The following UGT1A7 variants were observed in gnomAD, a reference collection of about 807,000 sequenced individuals.
The protein encoded by UGT1A7 is UDP-glucuronosyltransferase 1A7.
A neutral mutation model predicts 45.6 loss-of-function variants in UGT1A7; 33 were observed. The ratio of observed to expected loss-of-function variants is 0.72; its 90% CI spans 0.55 to 0.97. The LOEUF (loss-of-function observed/expected upper bound fraction) is 0.97, where lower values mean the gene tolerates loss of function less well. Ranked by LOEUF, UGT1A7 falls within the 50% of genes least tolerant of loss-of-function variation. The pLI is 0.00. For synonymous variants in UGT1A7, 274 were observed against 250.6 expected (o/e 1.09, Z -0.88); for missense variants, 684 against 666.2 (o/e 1.03, Z -0.29).
At chr2:233,693,661 C>T (rs1196693906) in intron 1 of UGT1A7, 1 of 1,614,126 alleles carries the variant, frequency 6.2e-7, no homozygotes, top group East Asian at 2.2e-5. Flanking sequence ...TGTTGGAGCC[C>T]TATCTATTTT....
intron 1 of UGT1A7, among the ~76,000 whole-genome samples, chr2:233,744,802 A>T (rs1263878691): frequency 6.6e-6 from 1 of 151,904 alleles, no homozygotes; most frequent in Non-Finnish European, 1.5e-5. Context: ...GGGGATCCCT[A>T]GGATTTCCTG....
intron 1 of UGT1A7, chr2:233,691,972 G>C (rs1349071943): frequency 6.6e-6 from 1 of 152,224 alleles, no homozygotes; most frequent in East Asian, 1.9e-4. Context: ...GATCCCTTTC[G>C]ATCACACCTA....
chr2:233,743,312 T>A, intron 1 of UGT1A7: 2 of 657,664 alleles, frequency 3.0e-6, no homozygotes, highest in South Asian at 1.5e-5. Context: ...TTGGTGGTGA[T>A]TTTTTTACCA....
At chr2:233,718,634 G>A in intron 1 of UGT1A7, 1 of 1,457,400 alleles carries the variant, frequency 6.9e-7, no homozygotes, top group Non-Finnish European at 9.2e-7. Context: ...GTCTTTCCCA[G>A]GGTTGGGCCC....
intron 2 of UGT1A7, 143 bp from the exon 3 acceptor site, chr2:233,767,706 A>C (rs1467899863): frequency 1.1e-5 from 16 of 1,521,756 alleles, no homozygotes; most frequent in Admixed American, 2.0e-5. Flanking sequence ...GCCAGTCCTC[A>C]GAAGCCTTCA....
chr2:233,719,742 A>T (rs2076802630), intron 1 of UGT1A7: 1 of 1,613,130 alleles, frequency 6.2e-7, no homozygotes, highest in Non-Finnish European at 8.5e-7. Flanking sequence ...CTTTTTAAAA[A>T]ATGTATTTAC....
intron 1 of UGT1A7, among the ~76,000 whole-genome samples, chr2:233,766,008 T>C (rs901073626): frequency 2.6e-5 from 4 of 152,174 alleles, no homozygotes; most frequent in Non-Finnish European, 5.9e-5. Context: ...GCGTGGGTTA[T>C]GGCCTTCTTT....
At chr2:233,726,413 T>C (rs2125719382) in intron 1 of UGT1A7, among the ~76,000 whole-genome samples, 1 of 152,348 alleles carries the variant, frequency 6.6e-6, no homozygotes, top group African/African-American at 2.4e-5. Context: ...GTCAGCATTC[T>C]GATTCTGTCC....
rs1319109473 is a variant in UGT1A7, at chr2:233,724,136, C to T, written c.855+41344C>T. On this transcript the variant is annotated intron_variant, in intron 1 of 4. Coordinates refer to ENST00000373426, the MANE Select transcript of UGT1A7 (RefSeq NM_019077.3). ...GCAGAGGCGCCCCTCACCTCCCGGA[C>T]GGGGCGGCTGGCCGGGTGGGGGGGC... Among the ~76,000 whole-genome samples, 110 of 111,694 alleles carry T rather than the reference C, an allele frequency of 9.8e-4. 3 individuals carry two copies. Among genetic ancestry groups the T allele is most frequent in the Middle Eastern group, 4.2e-3 (1 of 236 alleles). 73.3% of individuals were successfully genotyped at this position (111,694 alleles called of 152,430 possible).
intron 1 of UGT1A7, among the ~76,000 whole-genome samples, chr2:233,725,222 G>C (rs2077398090): frequency 1.1e-5 from 1 of 89,832 alleles, no homozygotes; most frequent in African/African-American, 7.8e-5. Context: ...AGGCAGAGGA[G>C]GCAGAGGCAG....
At position 233,772,297 on chromosome 2, in the gene UGT1A7, A is replaced by G; in HGVS notation, c.1331A>G (p.His444Arg). ...AACATCATGCGCCTCTCCAGCCTTC[A>G]CAAGGACCGCCCGGTGGAGCCGCTG... is the stretch of plus-strand genomic sequence containing the variant. ...KENIMRLSSL[H>R]KDRPVEPLDL... Residue 444 changes from histidine to arginine, a missense_variant, in exon 5 of 5, where the codon CAC becomes CGC. Coordinates refer to ENST00000373426, the MANE Select transcript of UGT1A7 (RefSeq NM_019077.3). The G allele has an allele frequency of 1.2e-6, 2 of 1,614,224 alleles. No homozygotes were observed. The highest frequency in any genetic ancestry group is 1.7e-6 in the Non-Finnish European group (2 of 1,180,032).
rs776415192 is a variant in UGT1A7, at chr2:233,712,958, G to T, written c.855+30166G>T. 4.3e-6 allele frequency: 7 copies of T among 1,612,878 alleles called. No homozygotes were observed. In the Admixed American group the frequency reaches 1.2e-4, roughly 27 times the overall value. ...AACAATTCTAGGAGGCACAACGTGG[G>T]GTGGACAGTCAGCTGTCGGTGGCTT... On this transcript the variant is annotated intron_variant, in intron 1 of 4. Coordinates refer to ENST00000373426, the MANE Select transcript of UGT1A7 (RefSeq NM_019077.3).
intron 1 of UGT1A7, among the ~76,000 whole-genome samples, chr2:233,762,315 G>C (rs565893517): frequency 6.6e-6 from 1 of 152,216 alleles, no homozygotes; most frequent in Non-Finnish European, 1.5e-5. Context: ...TTAATGGGTC[G>C]AGAGTAATCC....
intron 1 of UGT1A7, among the ~76,000 whole-genome samples, chr2:233,685,234 T>C (rs1346351842): frequency 2.0e-5 from 3 of 152,148 alleles, no homozygotes; most frequent in Non-Finnish European, 1.5e-5. Context: ...GGTTTCACCA[T>C]GTTGGCCAGG....
chr2:233,713,105 C>A (rs1300950755), intron 1 of UGT1A7: 1 of 1,614,212 alleles, frequency 6.2e-7, no homozygotes, highest in Admixed American at 1.7e-5. Flanking sequence ...CCACTGATGG[C>A]AGCCACTGGC....
At chr2:233,746,289 G>C (rs1163006960) in intron 1 of UGT1A7, among the ~76,000 whole-genome samples, 3 of 151,692 alleles carry the variant, frequency 2.0e-5, no homozygotes, top group Admixed American at 2.0e-4. Context: ...AAGGAAGGTG[G>C]CTTTGTTTCC....
intron 1 of UGT1A7, among the ~76,000 whole-genome samples, chr2:233,762,296 G>A (rs1425632739): frequency 6.6e-6 from 1 of 152,206 alleles, no homozygotes; most frequent in Non-Finnish European, 1.5e-5. Context: ...GGTGCCAACC[G>A]AGGTCTAGTT....
rs988278598 is a variant in UGT1A7, at chr2:233,758,928, G to A, written c.856-8106G>A. Among the ~76,000 whole-genome samples the A allele has an allele frequency of 5.9e-5, 9 of 152,130 alleles. 1 individual carries two copies. The highest frequency in any genetic ancestry group is 3.3e-4 in the Admixed American group (5 of 15,276). On this transcript the variant is annotated intron_variant, in intron 1 of 4. Coordinates refer to ENST00000373426, the MANE Select transcript of UGT1A7 (RefSeq NM_019077.3). Reference sequence around the variant, plus strand: ...TTGTTTTTGCTCATCTTTCCCTTTTGACTTCAAATCAGTCATCAGAATTTC... The same window carrying A: ...TTGTTTTTGCTCATCTTTCCCTTTTAACTTCAAATCAGTCATCAGAATTTC...
At chr2:233,693,979 G>C (rs888825187) in intron 1 of UGT1A7, 14 of 1,559,440 alleles carry the variant, frequency 9.0e-6, no homozygotes, top group Non-Finnish European at 1.2e-5. Flanking sequence ...AGAAACGGTG[G>C]GGGGAAGTGA....
Sources: gnomAD v4.1 joint callset for allele counts (sites outside exome capture counted in the v4.1 genomes callset) on GRCh38, gnomAD v4.1.1 for gene constraint, MANE v1.5 for transcripts, NCBI Gene and HGNC (gene_info 2026-07-23, HGNC 2026-07-21) for gene names.